The following EPHA10 variants were observed in gnomAD, a reference collection of about 807,000 sequenced individuals.
EPHA10 encodes the protein ephrin type-A receptor 10.
A neutral mutation model predicts 109.7 loss-of-function variants in EPHA10; 120 were observed. The ratio of observed to expected loss-of-function variants is 1.09; its 90% CI spans 0.94 to 1.27. The LOEUF is 1.27. Ranked by LOEUF, EPHA10 falls within the 50% of genes most tolerant of loss-of-function variation. EPHA10 has a pLI of 0.00. For synonymous variants in EPHA10, 640 were observed against 618.9 expected, an observed-to-expected ratio of 1.03 and a Z score of -0.51; for missense variants, 1,396 against 1,411.1, an observed-to-expected ratio of 0.99 and a Z score of 0.17.
chr1:37,735,710 C>T (rs1646060030), intron 5 of EPHA10, among the ~76,000 whole-genome samples: 1 of 152,074 alleles, frequency 6.6e-6, no homozygotes, highest in Non-Finnish European at 1.5e-5. Flanking sequence ...GGCTCTAATC[C>T]TCCAGGCTCT....
chr1:37,753,220 G>A lies in EPHA10; in HGVS notation c.1013C>T (p.Pro338Leu), dbSNP rs2148365443. 3.8e-6 allele frequency: 5 copies of A among 1,325,352 alleles called. No homozygotes were observed. Among genetic ancestry groups the A allele is most frequent in the East Asian group, 6.3e-5 (2 of 31,806 alleles). 82.1% of individuals were successfully genotyped at this position (1,325,352 alleles called of 1,614,324 possible). A position where few individuals can be genotyped will look rare whatever the true frequency, so the allele number is the denominator to read the frequency against. Residue 338 changes from proline to leucine, a missense_variant, in exon 5 of 17, where the codon CCG becomes CTG. Transcript: ENST00000373048. Reference sequence around the variant, plus strand: ...GTACTGCAGGTCCCGCGGCGCCGACGGCGGCCCTGAGGCGGCACAGGGGCG... The same window carrying A: ...GTACTGCAGGTCCCGCGGCGCCGACAGCGGCCCTGAGGCGGCACAGGGGCG... ...DPPSASCTRPPSAPRDLQYSL... is the reference protein window; with the variant it reads ...DPPSASCTRPLSAPRDLQYSL...
At chr1:37,727,079 C>T in intron 8 of EPHA10, 23 bp downstream of exon 8, 2 of 1,586,650 alleles carry the variant, frequency 1.3e-6, no homozygotes. Flanking sequence ...CAGGAGTCAC[C>T]TAGGCTGGGG....
intron 5 of EPHA10, among the ~76,000 whole-genome samples, chr1:37,741,753 C>A (rs886730327): frequency 1.5e-5 from 2 of 133,026 alleles, no homozygotes; most frequent in Non-Finnish European, 3.3e-5. Context: ...CAGTGTCTGA[C>A]CCTTTAAAAA....
chr1:37,726,240 C>A (rs1223281015), intron 8 of EPHA10, among the ~76,000 whole-genome samples: 1 of 152,234 alleles, frequency 6.6e-6, no homozygotes, highest in East Asian at 1.9e-4. Context: ...GCTCCACGAG[C>A]AAGGAACTCC....
Position 37,754,281 on chromosome 1 carries a change from TGGA to T in EPHA10, c.937_939del (p.Ser313del). Reference sequence around the variant, plus strand: ...TAGCTGTCCTGGCACACGCAGAAGGTGGAGGCGTTTTCCAGGGCCCGGCTGTGC... The same window carrying T: ...TAGCTGTCCTGGCACACGCAGAAGGTGGCGTTTTCCAGGGCCCGGCTGTGC... On this transcript the variant is annotated inframe_deletion, in exon 4 of 17. Coordinates refer to ENST00000373048, the MANE Select transcript of EPHA10 (RefSeq NM_001099439.2). This position sits in a 1 kb window ranked among gnomAD's most constrained non-coding sequence, Gnocchi z 4.5. 1 of 1,316,168 alleles carries T rather than the reference TGGA, an allele frequency of 7.6e-7. No individual in the cohort carries two copies. The highest frequency in any genetic ancestry group is 9.7e-7 in the Non-Finnish European group (1 of 1,026,876). The allele number at this position is 1,316,168 out of a possible 1,614,324, so 81.5% of individuals were successfully genotyped here. A position where few individuals can be genotyped will look rare whatever the true frequency, so the allele number is the denominator to read the frequency against.
intron 5 of EPHA10, among the ~76,000 whole-genome samples, chr1:37,751,391 A>T (rs776043): frequency 6.6e-6 from 1 of 151,010 alleles, no homozygotes; most frequent in Non-Finnish European, 1.5e-5. Flanking sequence ...CAATATGGTG[A>T]GACCCCATCT....
At position 37,732,863 on chromosome 1, in the gene EPHA10, C is replaced by CTTTTTTT. The variant is rs56226051; in HGVS notation, c.1492-1288_1492-1282dup. 1.5e-3 allele frequency among the ~76,000 whole-genome samples: 38 copies of CTTTTTTT among 25,042 alleles called. 3 individuals are homozygous for CTTTTTTT. Among genetic ancestry groups the CTTTTTTT allele is most frequent in the African/African-American group, 2.4e-3 (18 of 7,482 alleles). The allele number at this position is 25,042 out of a possible 152,430, so 16.4% of individuals were successfully genotyped here. ...CAAATATAGCCCTTTTATACTTGTT[C>CTTTTTTT]TTTTTTTTTTTTTTTTTTTTTTTTT... On this transcript the variant is annotated intron_variant, in intron 6 of 16. Coordinates refer to ENST00000373048, the MANE Select transcript of EPHA10 (RefSeq NM_001099439.2).
chr1:37,731,355 G>A (rs1645978389), intron 7 of EPHA10, 56 bp downstream of exon 7: 1 of 1,490,176 alleles, frequency 6.7e-7, no homozygotes, highest in African/African-American at 1.4e-5. Context: ...CCCTACCTCA[G>A]CCCCGTGCAG....
Position 37,734,501 on chromosome 1 carries a change from T to TC in EPHA10, c.1491+755dup, listed in dbSNP as rs1325084244. ...GTGAGCCGAGATCATGTCACTGCAC[T>TC]CCAGCCTGGGTGACAAGAATGAAAC... On this transcript the variant is annotated intron_variant, in intron 6 of 16. Coordinates refer to ENST00000373048, the MANE Select transcript of EPHA10 (RefSeq NM_001099439.2). 41 of 400,120 alleles carry TC rather than the reference T, an allele frequency of 1.0e-4. No homozygotes were observed. In the East Asian group the frequency reaches 2.0e-3, roughly 19 times the overall value. 24.8% of individuals were successfully genotyped at this position (400,120 alleles called of 1,614,324 possible).
chr1:37,726,952 G>A (rs1174750542), intron 8 of EPHA10, 150 bp downstream of exon 8: 9 of 505,812 alleles, frequency 1.8e-5, no homozygotes, highest in Non-Finnish European at 2.4e-5. Flanking sequence ...GGGAGGGGCC[G>A]GGATGATGCA....
In EPHA10 at chr1:37,761,089, T is replaced by A. The variant is rs2014698; in HGVS notation, c.850+316A>T. ...ACAGAGCAAGAGAGACTCCTTATTT[T>A]AAAAAAAAAAAAAAACAATGACTTC... On this transcript the variant is annotated intron_variant, in intron 3 of 16. Coordinates refer to ENST00000373048, the MANE Select transcript of EPHA10 (RefSeq NM_001099439.2). The A allele has an allele frequency of 0.57, 515,803 of 906,762 alleles. 123,583 individuals carry two copies. The highest frequency in any genetic ancestry group is 0.67 in the Admixed American group (13,671 of 20,532). 56.2% of individuals were successfully genotyped at this position (906,762 alleles called of 1,614,324 possible).
intron 5 of EPHA10, among the ~76,000 whole-genome samples, chr1:37,740,924 C>G (rs1199746242): frequency 6.6e-6 from 1 of 152,078 alleles, no homozygotes; most frequent in Admixed American, 6.5e-5. Flanking sequence ...AGGGAATAAG[C>G]CTGAGACACG....
chr1:37,736,202 A>G (rs1196059998), intron 5 of EPHA10, among the ~76,000 whole-genome samples: 1 of 152,142 alleles, frequency 6.6e-6, no homozygotes, highest in Admixed American at 6.5e-5. Context: ...AGGTCAAGAG[A>G]TCAAGACCAG....
rs780946985 is a variant in EPHA10, at chr1:37,720,499, G to A, written c.2264C>T (p.Ala755Val). The A allele has an allele frequency of 3.1e-6, 5 of 1,613,038 alleles. No homozygotes were observed. The highest frequency in any genetic ancestry group is 3.3e-5 in the Admixed American group (2 of 59,968). ...CTCTGACAGATACTTCATGGCTGAT[G>A]CCAGCCCAGGCAGCAACCCCATCAG... ...GQLMGLLPGL[A>V]SAMKYLSEMG... Residue 755 changes from alanine (A) to valine (V), a missense_variant, in exon 13 of 17, where the codon GCA (alanine) becomes GTA (valine). Coordinates refer to ENST00000373048, the MANE Select transcript of EPHA10 (RefSeq NM_001099439.2).
intron 3 of EPHA10, among the ~76,000 whole-genome samples, chr1:37,755,840 G>T (rs1646388867): frequency 6.6e-6 from 1 of 152,150 alleles, no homozygotes; most frequent in Admixed American, 6.6e-5. Context: ...CTACCTCTCA[G>T]AACTTGGGTG....
At chr1:37,721,255 TA>T (rs71732142) in intron 11 of EPHA10, among the ~76,000 whole-genome samples, 175 of 113,510 alleles carry the variant, frequency 1.5e-3, no homozygotes, top group Middle Eastern at 4.6e-3. Context: ...CCGTCTCTAC[TA>T]AAAAAAAAAA....
intron 7 of EPHA10, among the ~76,000 whole-genome samples, chr1:37,730,637 C>T (rs1017857853): frequency 1.3e-5 from 2 of 152,096 alleles, no homozygotes; most frequent in South Asian, 4.1e-4. Context: ...GTTTTGGTAA[C>T]AGCTTTATTG....
Position 37,719,570 on chromosome 1 carries a change from G to C in EPHA10, c.2600C>G (p.Pro867Arg). Reference sequence around the variant, plus strand: ...CAGAAGGTTAGGACAGTTCCTGGGGGGTGGCAGCCGGAAGCCATCCTCCAC... The same window carrying C: ...CAGAAGGTTAGGACAGTTCCTGGGGCGTGGCAGCCGGAAGCCATCCTCCAC... ...KAVEDGFRLP[P>R]PRNCPNLLHR... is the part of the protein sequence containing the mutation. Residue 867 changes from proline (P) to arginine (R), a missense_variant, in exon 15 of 17, where the codon CCC becomes CGC. By Grantham distance (103) the Pro-to-Arg change is moderately radical. Transcript: ENST00000373048. 1 of 1,613,798 alleles carries C rather than the reference G, an allele frequency of 6.2e-7. No homozygotes were observed. The highest frequency in any genetic ancestry group is 8.5e-7 in the Non-Finnish European group (1 of 1,180,010).
intron 5 of EPHA10, among the ~76,000 whole-genome samples, chr1:37,751,734 G>T (rs952153616): frequency 6.6e-6 from 1 of 151,520 alleles, no homozygotes; most frequent in South Asian, 2.1e-4. Flanking sequence ...TTAGCTGGGC[G>T]TGGTGGCATG....
Sources: allele counts gnomAD v4.1 joint callset (sites outside exome capture counted in the v4.1 genomes callset), GRCh38; gene constraint gnomAD v4.1.1; non-coding constraint Gnocchi (gnomAD v3.1); transcripts MANE v1.5; gene names NCBI Gene and HGNC (gene_info 2026-07-23, HGNC 2026-07-21).